The following GLYAT variants were observed in gnomAD, a reference collection of about 807,000 sequenced individuals.
GLYAT encodes the protein glycine-N-acyltransferase, also known as glycine N-acyltransferase.
A neutral mutation model predicts 22.8 loss-of-function variants in GLYAT; 25 were observed. That is an observed-to-expected ratio of 1.09 (90% CI 0.80 to 1.53). The LOEUF (loss-of-function observed/expected upper bound fraction) is 1.53, where lower values mean the gene tolerates loss of function less well. GLYAT is among the 40% of genes most tolerant of loss of function. GLYAT has a pLI of 0.00. For missense variants in GLYAT, 411 were observed against 353.9 expected (o/e 1.16, Z -1.29); for synonymous variants, 140 against 122.7 (o/e 1.14, Z -0.93).
chr11:58,722,256 G>A (rs1408789546), intron 2 of GLYAT, among the ~76,000 whole-genome samples: 1 of 151,918 alleles, frequency 6.6e-6, no homozygotes, highest in Non-Finnish European at 1.5e-5. Flanking sequence ...TGCTCCCATG[G>A]TTACCAAAAT....
In GLYAT at chr11:58,712,821, G is replaced by T. The variant is rs137908036; in HGVS notation, c.255C>A (p.Asn85Lys). 2,486 of 1,609,816 alleles carry T rather than the reference G, an allele frequency of 1.5e-3. 1 individual carries two copies. Among genetic ancestry groups the T allele is most frequent in the Middle Eastern group, 2.5e-3 (15 of 6,044 alleles). The change falls in exon 4 of 6, where the codon AAC becomes AAA. Residue 85 changes from asparagine to lysine, a missense_variant. By Grantham distance (94) the Asn-to-Lys change is moderately conservative. Transcript: ENST00000344743. ...CTGGTGATCCAAGGAATTCCTGACA[G>T]TTTTGGGGATCTTTGGAGTAGATTT... ...TYQIYSKDPQ[N>K]CQEFLGSPEL...
At chr11:58,728,608 C>A (rs1195691347) in intron 1 of GLYAT, 1 of 151,888 alleles carries the variant, frequency 6.6e-6, no homozygotes, top group Non-Finnish European at 1.5e-5. Context: ...GAACTATGAT[C>A]TCTGAGAAAA....
Position 58,710,750 on chromosome 11 carries a change from T to G in GLYAT, c.328A>C (p.Ser110Arg), listed in dbSNP as rs1264565195. The change falls in exon 5 of 6, where the codon AGC (serine) becomes CGC (arginine). Residue 110 changes from serine to arginine, a missense_variant. Transcript: ENST00000344743. ...QHLQIQSSQP[S>R]LNEAIQNLAA... ...AGATTTTGTATAGCCTCATTCAGGCTAGGCTGTGAACCTAGACGGTATAAT... is the reference window on the plus strand; with the variant it reads ...AGATTTTGTATAGCCTCATTCAGGCGAGGCTGTGAACCTAGACGGTATAAT... 27 of 1,602,740 alleles carry G rather than the reference T, an allele frequency of 1.7e-5. No homozygotes were observed. In the Admixed American group the frequency reaches 4.5e-4, roughly 27 times the overall value.
chr11:58,712,912 A>T, intron 3 of GLYAT, 26 bp from the exon 4 acceptor site: 1 of 1,481,294 alleles, frequency 6.8e-7, no homozygotes, highest in Non-Finnish European at 9.4e-7. Context: ...AAAAGGAAAT[A>T]AAACACATCC....
At chr11:58,712,981 G>T (rs971967080) in intron 3 of GLYAT, 95 bp from the exon 4 acceptor site, 1 of 759,810 alleles carries the variant, frequency 1.3e-6, no homozygotes, top group South Asian at 2.6e-5. Flanking sequence ...ATAAAATATT[G>T]GTAGTTTTAT....
At chr11:58,721,750 A>G (rs927594354) in intron 2 of GLYAT, among the ~76,000 whole-genome samples, 1 of 152,046 alleles carries the variant, frequency 6.6e-6, no homozygotes, top group South Asian at 2.1e-4. Flanking sequence ...GGCTGGCAAA[A>G]AGGTGACCTT....
In GLYAT at chr11:58,718,473, T is replaced by C. The variant is rs1856710428; in HGVS notation, c.82-3050A>G. 2.6e-5 allele frequency among the ~76,000 whole-genome samples: 4 copies of C among 152,204 alleles called. 1 individual carries two copies. In the Middle Eastern group the frequency reaches 0.01, roughly 388 times the overall value. Reference sequence around the variant, plus strand: ...TACTCATTAACATTTTATCTCTCTATGAGTCCTGAAAGTTTTTTCTCTATT... The same window carrying C: ...TACTCATTAACATTTTATCTCTCTACGAGTCCTGAAAGTTTTTTCTCTATT... On this transcript the variant is annotated intron_variant, in intron 2 of 5. Transcript: ENST00000344743.
chr11:58,727,114 A>C lies in GLYAT; in HGVS notation c.-15-2603T>G, dbSNP rs1185263054. 7.2e-5 allele frequency among the ~76,000 whole-genome samples: 11 copies of C among 152,318 alleles called. No homozygotes were observed. In the East Asian group the frequency reaches 2.1e-3, roughly 29 times the overall value. On this transcript the variant is annotated intron_variant, in intron 1 of 5. Transcript: ENST00000344743. ...GCCCTAGGTTGTGACAGGAACAAAA[A>C]GCATATGTTAAATCATAAAGCACTG...
intron 1 of GLYAT, among the ~76,000 whole-genome samples, chr11:58,729,405 T>C (rs1039224916): frequency 5.9e-5 from 9 of 152,202 alleles, no homozygotes; most frequent in African/African-American, 2.2e-4. Flanking sequence ...AAAGTTTTCT[T>C]CTTTCAATTG....
chr11:58,728,935 A>G (rs1246513302), intron 1 of GLYAT, among the ~76,000 whole-genome samples: 2 of 150,644 alleles, frequency 1.3e-5, no homozygotes, highest in Non-Finnish European at 3.0e-5. Context: ...GGAAGGAAGG[A>G]AGGAAGGAAG....
chr11:58,731,739 T>C (rs1352851775), intron 1 of GLYAT, 96 bp downstream of exon 1: 3 of 152,198 alleles, frequency 2.0e-5, no homozygotes, highest in Non-Finnish European at 4.4e-5. Context: ...GGATCCCATA[T>C]ACAATGCAAT....
intron 1 of GLYAT, among the ~76,000 whole-genome samples, chr11:58,725,118 G>A (rs894215809): frequency 1.3e-5 from 2 of 151,916 alleles, no homozygotes; most frequent in African/African-American, 4.8e-5. Flanking sequence ...TTAATAAAGG[G>A]CATTCTGACA....
chr11:58,709,635 C>T lies in GLYAT; in HGVS notation c.*131G>A, dbSNP rs949067141. The T allele has an allele frequency of 8.3e-5, 78 of 936,624 alleles. No homozygotes were observed. The highest frequency in any genetic ancestry group is 1.2e-4 in the Non-Finnish European group (74 of 625,690). 58.0% of individuals were successfully genotyped at this position (936,624 alleles called of 1,614,324 possible). A position where few individuals can be genotyped will look rare whatever the true frequency, so the allele number is the denominator to read the frequency against. ...GGCGATGCTGTTGAACATCACACTG[C>T]TTCCCCAGAGTCCAAACAGTGCCCA... On this transcript the variant is annotated 3_prime_UTR_variant, in exon 6 of 6. Coordinates refer to ENST00000344743, the MANE Select transcript of GLYAT (RefSeq NM_201648.3).
intron 1 of GLYAT, among the ~76,000 whole-genome samples, chr11:58,725,651 G>C (rs1856803890): frequency 6.6e-6 from 1 of 152,132 alleles, no homozygotes; most frequent in African/African-American, 2.4e-5. Context: ...GCAAGTTTTG[G>C]GGTAGCAGTA....
At position 58,709,861 on chromosome 11, in the gene GLYAT, C is replaced by T. The variant is rs1176508385; in HGVS notation, c.796G>A (p.Asp266Asn). The T allele has an allele frequency of 1.2e-6, 2 of 1,613,986 alleles. No individual in the cohort carries two copies. Among genetic ancestry groups the T allele is most frequent in the African/African-American group, 2.7e-5 (2 of 74,946 alleles). The change falls in exon 6 of 6, where the codon GAC (aspartate) becomes AAC (asparagine). Residue 266 changes from aspartate (D) to asparagine (N), a missense_variant. Transcript: ENST00000344743. ...KLGFPVYSHV[D>N]YSNEAMQKMS... ...TTTTGCATAGCTTCATTGCTGTAGTCTACATGAGAATAGACAGGAAACCCA... is the reference window on the plus strand; with the variant it reads ...TTTTGCATAGCTTCATTGCTGTAGTTTACATGAGAATAGACAGGAAACCCA...
intron 2 of GLYAT, among the ~76,000 whole-genome samples, 179 bp from the exon 3 acceptor site, chr11:58,715,602 G>A (rs760778028): frequency 1.4e-4 from 21 of 152,038 alleles, no homozygotes; most frequent in Non-Finnish European, 2.5e-4. Context: ...GTACACAGAG[G>A]GCAGACAACC....
At chr11:58,728,889 A>G (rs7950727) in intron 1 of GLYAT, among the ~76,000 whole-genome samples, 1,129 of 101,206 alleles carry the variant, frequency 0.011, 13 homozygotes, top group African/African-American at 0.03. Context: ...AAAGAAAGAA[A>G]GAAGGAAGGA....
chr11:58,730,387 T>C (rs1423418106), intron 1 of GLYAT, among the ~76,000 whole-genome samples: 1 of 152,136 alleles, frequency 6.6e-6, no homozygotes, highest in East Asian at 1.9e-4. Flanking sequence ...GTGGGACGAT[T>C]CTAATAGTTT....
In GLYAT at chr11:58,724,506, C is replaced by T. The variant is rs756025270; in HGVS notation, c.-10G>A. ...GCAATGGTAACATCATGGAGGATAC[C>T]TTAGCCTAGAAAGACAACCAAGGAA... is the stretch of plus-strand genomic sequence containing the variant. On this transcript the variant is annotated 5_prime_UTR_variant, in exon 2 of 6. Coordinates refer to ENST00000344743, the MANE Select transcript of GLYAT (RefSeq NM_201648.3). The T allele has an allele frequency of 2.5e-6, 4 of 1,569,844 alleles. No homozygotes were observed. The highest frequency in any genetic ancestry group is 2.7e-5 in the African/African-American group (2 of 73,798).
Sources: gnomAD v4.1 joint callset for allele counts (sites outside exome capture counted in the v4.1 genomes callset) on GRCh38, gnomAD v4.1.1 for gene constraint, MANE v1.5 for transcripts, NCBI Gene and HGNC (gene_info 2026-07-23, HGNC 2026-07-21) for gene names.